The following ADAMTS6 variants were observed in gnomAD, a reference collection of about 807,000 sequenced individuals.
ADAMTS6 encodes ADAM metallopeptidase with thrombospondin type 1 motif 6, also known as A disintegrin and metalloproteinase with thrombospondin motifs 6.
ADAMTS6 carries 23 observed loss-of-function variants against 144.3 expected under a neutral mutation model. The ratio of observed to expected loss-of-function variants is 0.16; its 90% confidence interval spans 0.11 to 0.23. ADAMTS6 has a LOEUF of 0.23. Among genes scored for constraint, ADAMTS6 ranks in the 10% least tolerant of loss-of-function variants. The pLI is 1.00. For missense variants in ADAMTS6, 999 were observed against 1,379.6 expected (o/e 0.72, Z 4.37); for synonymous variants, 444 against 457.5 (o/e 0.97, Z 0.38).
chr5:65,246,548 G>A (rs949701517), intron 14 of ADAMTS6, among the ~76,000 whole-genome samples: 4 of 152,088 alleles, frequency 2.6e-5, no homozygotes, highest in Non-Finnish European at 4.4e-5. Context: ...TTTTTAAACA[G>A]TATGATCAAA....
chr5:65,205,495 C>T (rs1240617415), intron 20 of ADAMTS6, among the ~76,000 whole-genome samples: 1 of 152,134 alleles, frequency 6.6e-6, no homozygotes, highest in African/African-American at 2.4e-5. Context: ...TACATATTTT[C>T]TAATAATTAC....
At chr5:65,467,741 T>A (rs919128502) in intron 3 of ADAMTS6, among the ~76,000 whole-genome samples, 1 of 152,158 alleles carries the variant, frequency 6.6e-6, no homozygotes, top group African/African-American at 2.4e-5. Context: ...CTCAGAAACT[T>A]TACTTTCCAG....
intron 7 of ADAMTS6, among the ~76,000 whole-genome samples, chr5:65,380,225 A>G (rs2150133712): frequency 6.6e-6 from 1 of 152,258 alleles, no homozygotes; most frequent in East Asian, 1.9e-4. Flanking sequence ...TAGATTATGC[A>G]TATCAGTACA....
At chr5:65,386,030 C>A (rs1400815689) in intron 7 of ADAMTS6, among the ~76,000 whole-genome samples, 1 of 152,090 alleles carries the variant, frequency 6.6e-6, no homozygotes, top group Non-Finnish European at 1.5e-5. Flanking sequence ...ATCCCTCCAG[C>A]CTATTATTGA....
chr5:65,363,238 T>C (rs907701301), intron 7 of ADAMTS6, among the ~76,000 whole-genome samples: 1 of 152,182 alleles, frequency 6.6e-6, no homozygotes, highest in Non-Finnish European at 1.5e-5. Flanking sequence ...AATACTATAG[T>C]ATGTTACTGA....
intron 12 of ADAMTS6, among the ~76,000 whole-genome samples, chr5:65,266,475 C>T (rs1199025639): frequency 6.6e-6 from 1 of 151,858 alleles, no homozygotes; most frequent in African/African-American, 2.4e-5. Context: ...TAGCAGTTGA[C>T]AAGAGTGTAG....
chr5:65,170,723 G>A lies in ADAMTS6; in HGVS notation c.3138C>T (p.Leu1046=). Residue 1046 remains leucine (L), a synonymous_variant, in exon 24 of 25, where the codon CTC becomes CTT. Transcript: ENST00000381055. ...CACTAGATGCCTGTCCGGTGTAGGA[G>A]AGACACTGCACAGTTCTCATCTGCT... The part of the protein sequence containing the change: ...LGQQMRTVQC[L]SYTGQASSDC... 1 of 1,614,148 alleles carries A rather than the reference G, an allele frequency of 6.2e-7. No homozygotes were observed. The highest frequency in any genetic ancestry group is 8.5e-7 in the Non-Finnish European group (1 of 1,180,018).
intron 3 of ADAMTS6, among the ~76,000 whole-genome samples, chr5:65,466,978 C>A (rs954863677): frequency 6.6e-6 from 1 of 150,690 alleles, no homozygotes; most frequent in Non-Finnish European, 1.5e-5. Flanking sequence ...GGAGGCGGAG[C>A]TTGCAGTGAG....
At chr5:65,409,524 A>G (rs1424118960) in intron 7 of ADAMTS6, among the ~76,000 whole-genome samples, 2 of 152,134 alleles carry the variant, frequency 1.3e-5, no homozygotes, top group South Asian at 4.1e-4. Context: ...CCAACCAAAA[A>G]AAGTCCAGGA....
chr5:65,438,354 C>G (rs1580708935), intron 7 of ADAMTS6, among the ~76,000 whole-genome samples: 1 of 152,184 alleles, frequency 6.6e-6, no homozygotes, highest in South Asian at 2.1e-4. Context: ...ATAGCTAAAC[C>G]CATCTCTACT....
intron 21 of ADAMTS6, among the ~76,000 whole-genome samples, chr5:65,188,799 A>G (rs1754825855): frequency 6.6e-6 from 1 of 152,242 alleles, no homozygotes; most frequent in South Asian, 2.1e-4. Flanking sequence ...AGTGTCTGTC[A>G]TATAACAAAC....
At chr5:65,374,975 T>C (rs1438808175) in intron 7 of ADAMTS6, among the ~76,000 whole-genome samples, 1 of 152,144 alleles carries the variant, frequency 6.6e-6, no homozygotes, top group African/African-American at 2.4e-5. Context: ...AACTATCTGA[T>C]CTTTGACAAA....
In ADAMTS6 at chr5:65,404,481, T is replaced by C. The variant is rs543024885; in HGVS notation, c.1073+46994A>G. ...CCCTACAAAGGATATGAACTCATCCTTTTTTATGGCTGCATAATATTCCAT... is the reference window on the plus strand; with the variant it reads ...CCCTACAAAGGATATGAACTCATCCCTTTTTATGGCTGCATAATATTCCAT... On this transcript the variant is annotated intron_variant, in intron 7 of 24. Transcript: ENST00000381055. 5.3e-5 allele frequency among the ~76,000 whole-genome samples: 8 copies of C among 151,578 alleles called. No individual in the cohort carries two copies. In the South Asian group the frequency reaches 1.4e-3, roughly 27 times the overall value.
At chr5:65,171,323 T>C (rs577966716) in intron 23 of ADAMTS6, among the ~76,000 whole-genome samples, 13 of 152,300 alleles carry the variant, frequency 8.5e-5, no homozygotes, top group African/African-American at 3.1e-4. Flanking sequence ...TATTAACTTT[T>C]AAAGCCCACA....
At chr5:65,220,964 C>A (rs1324873255) in intron 18 of ADAMTS6, among the ~76,000 whole-genome samples, 1 of 152,208 alleles carries the variant, frequency 6.6e-6, no homozygotes, top group African/African-American at 2.4e-5. Flanking sequence ...AAATATTATG[C>A]ATAATTTTAT....
intron 7 of ADAMTS6, among the ~76,000 whole-genome samples, chr5:65,335,063 A>G (rs1410630786): frequency 2.0e-5 from 3 of 152,170 alleles, no homozygotes; most frequent in Non-Finnish European, 4.4e-5. Flanking sequence ...CGATTAGTCA[A>G]TATTAGTAGG....
chr5:65,247,866 A>C (rs182697589), intron 14 of ADAMTS6, among the ~76,000 whole-genome samples: 23 of 152,270 alleles, frequency 1.5e-4, no homozygotes, highest in Admixed American at 5.2e-4. Flanking sequence ...CTGTTACACT[A>C]GATCAACCTT....
At chr5:65,395,362 A>G (rs1487052260) in intron 7 of ADAMTS6, among the ~76,000 whole-genome samples, 2 of 152,170 alleles carry the variant, frequency 1.3e-5, no homozygotes, top group Non-Finnish European at 2.9e-5. Flanking sequence ...TGCTATTTCA[A>G]AGTCCTTTAA....
At chr5:65,309,152 G>C (rs948232721) in intron 9 of ADAMTS6, among the ~76,000 whole-genome samples, 24 of 152,074 alleles carry the variant, frequency 1.6e-4, no homozygotes, top group African/African-American at 5.8e-4. Context: ...GGTGATTGAA[G>C]CACATTGCAT....
Sources: allele counts gnomAD v4.1 joint callset (sites outside exome capture counted in the v4.1 genomes callset), GRCh38; gene constraint gnomAD v4.1.1; transcripts MANE v1.5; gene names NCBI Gene and HGNC (gene_info 2026-07-23, HGNC 2026-07-21).